YES1: variants seen among roughly 807,000 people sequenced by gnomAD.
YES1 encodes YES proto-oncogene 1, Src family tyrosine kinase, also known as tyrosine-protein kinase Yes.
Under a neutral mutation model 70.4 loss-of-function variants are expected in YES1, and 39 were observed. The ratio of observed to expected loss-of-function variants is 0.55; its 90% CI spans 0.43 to 0.72. The LOEUF (loss-of-function observed/expected upper bound fraction) is 0.72, where lower values mean the gene tolerates loss of function less well. Ranked by LOEUF, YES1 falls within the 30% of genes least tolerant of loss-of-function variation. The pLI is 0.00. For synonymous variants in YES1, 198 were observed against 218.6 expected, an observed-to-expected ratio of 0.91 and a Z score of 0.83; for missense variants, 495 against 644.8, an observed-to-expected ratio of 0.77 and a Z score of 2.52.
At chr18:728,651 A>C (rs1041360364) in intron 11 of YES1, among the ~76,000 whole-genome samples, 1 of 152,024 alleles carries the variant, frequency 6.6e-6, no homozygotes, top group Admixed American at 6.6e-5. Context: ...CTCAGCCTCC[A>C]AGTAGCTGGT....
chr18:750,618 A>G (rs975676582), intron 3 of YES1, among the ~76,000 whole-genome samples: 1 of 152,180 alleles, frequency 6.6e-6, no homozygotes, highest in East Asian at 1.9e-4. Flanking sequence ...GCAAGTGACA[A>G]ATTGTAATTC....
At chr18:787,436 G>A (rs770602683) in intron 1 of YES1, among the ~76,000 whole-genome samples, 25 of 151,890 alleles carry the variant, frequency 1.6e-4, no homozygotes, top group Admixed American at 5.9e-4. Context: ...TGGGCTGGGC[G>A]CGGTGGCTCA....
rs116576441 is a variant in YES1 at position 785,493 on chromosome 18, A to G, written c.-9+26621T>C. 4.2e-3 allele frequency among the ~76,000 whole-genome samples: 640 copies of G among 152,278 alleles called. 3 individuals are homozygous for G. Among genetic ancestry groups the G allele is most frequent in the African/African-American group, 0.015 (611 of 41,556 alleles). On this transcript the variant is annotated intron_variant, in intron 1 of 11. Transcript: ENST00000314574. ...TAAGTAGCTGGAAGGAGAGAGAAGC[A>G]CTATAAAAGGTCTGAATTCTGGTAG...
chr18:733,032 G>A, intron 10 of YES1, 67 bp from the exon 11 acceptor site: 2 of 1,512,762 alleles, frequency 1.3e-6, no homozygotes, highest in South Asian at 1.1e-5. Context: ...CATAGCATAT[G>A]CAGGGCTAAT....
intron 6 of YES1, 111 bp downstream of exon 6, chr18:745,597 G>T: frequency 9.8e-7 from 1 of 1,018,230 alleles, no homozygotes; most frequent in Non-Finnish European, 1.4e-6. Flanking sequence ...TATTGGGCAT[G>T]TATTATGTGT....
intron 1 of YES1, among the ~76,000 whole-genome samples, chr18:809,876 G>T (rs897793206): frequency 6.6e-6 from 1 of 152,140 alleles, no homozygotes; most frequent in East Asian, 1.9e-4. Context: ...CTCCTACCAG[G>T]TTAAAAGAAC....
intron 11 of YES1, among the ~76,000 whole-genome samples, chr18:725,421 A>G (rs1429977560): frequency 6.6e-6 from 1 of 152,198 alleles, no homozygotes; most frequent in Non-Finnish European, 1.5e-5. Flanking sequence ...AGAAAATGTA[A>G]TGGGGTTAAA....
chr18:788,613 T>C (rs2145811709), intron 1 of YES1, among the ~76,000 whole-genome samples: 2 of 152,328 alleles, frequency 1.3e-5, no homozygotes, highest in South Asian at 4.1e-4. Context: ...CTGATACTAC[T>C]TTGTGCTCTT....
intron 10 of YES1, among the ~76,000 whole-genome samples, chr18:735,161 C>CAAAAAAAAAA (rs71174281): frequency 1.1e-4 from 12 of 110,660 alleles, no homozygotes; most frequent in Non-Finnish European, 1.7e-4. Context: ...TGTCTCAAAG[C>CAAAAAAAAAA]AAAAAAAAAA....
intron 1 of YES1, among the ~76,000 whole-genome samples, chr18:792,554 T>TCCCC (rs71174291): frequency 3.2e-5 from 4 of 126,904 alleles, no homozygotes; most frequent in African/African-American, 1.1e-4. Context: ...TCTCTCTCTC[T>TCCCC]CCCTCTGTAT....
chr18:742,867 A>T lies in YES1; in HGVS notation c.1060+51T>A, dbSNP rs2080231311. On this transcript the variant is annotated intron_variant, in intron 8 of 11. Coordinates refer to ENST00000314574, the MANE Select transcript of YES1 (RefSeq NM_005433.4). ...TAAGTCTATATGCATACAAATCAAG[A>T]CTCTTAAAAACATTATCAACACAAA... The T allele has an allele frequency of 2.1e-6, 3 of 1,445,628 alleles. No homozygotes were observed. In the Middle Eastern group the frequency reaches 5.5e-4, roughly 264 times the overall value. The allele number at this position is 1,445,628 out of a possible 1,614,324, so 89.6% of individuals were successfully genotyped here.
At chr18:751,909 T>C (rs2080349198) in intron 2 of YES1, 105 bp from the exon 3 acceptor site, 8 of 733,978 alleles carry the variant, frequency 1.1e-5, no homozygotes, top group Admixed American at 2.4e-5. Flanking sequence ...GGATAGTTTT[T>C]TCTGTAGTCT....
At chr18:764,994 A>G (rs1447855556) in intron 1 of YES1, among the ~76,000 whole-genome samples, 1 of 151,822 alleles carries the variant, frequency 6.6e-6, no homozygotes, top group Non-Finnish European at 1.5e-5. Flanking sequence ...TTAGCCTCCC[A>G]AAGGGCTGAG....
At chr18:757,809 A>G (rs1442751983) in intron 1 of YES1, among the ~76,000 whole-genome samples, 2 of 151,892 alleles carry the variant, frequency 1.3e-5, no homozygotes, top group Non-Finnish European at 1.5e-5. Context: ...GTGACAGAGT[A>G]AGACTCTGTC....
At chr18:795,057 C>T (rs1906469636) in intron 1 of YES1, among the ~76,000 whole-genome samples, 1 of 152,170 alleles carries the variant, frequency 6.6e-6, no homozygotes, top group African/African-American at 2.4e-5. Flanking sequence ...TCGTGATCCG[C>T]CTGCCTTGGC....
chr18:730,283 G>C (rs371608400), intron 11 of YES1, among the ~76,000 whole-genome samples: 72 of 151,852 alleles, frequency 4.7e-4, no homozygotes, highest in African/African-American at 1.7e-3. Flanking sequence ...TTTTCTGTTA[G>C]GTCTCCCAGA....
intron 1 of YES1, among the ~76,000 whole-genome samples, chr18:759,204 C>G (rs1401191271): frequency 6.6e-6 from 1 of 152,212 alleles, no homozygotes; most frequent in Non-Finnish European, 1.5e-5. Flanking sequence ...CGGTGGCTCA[C>G]GCCTGTAATC....
At chr18:733,060 A>C in intron 10 of YES1, 95 bp from the exon 11 acceptor site, 6 of 1,231,610 alleles carry the variant, frequency 4.9e-6, no homozygotes, top group Non-Finnish European at 7.1e-6. Flanking sequence ...CAATATCTCT[A>C]CTGTAGTCAT....
At position 752,810 on chromosome 18, in the gene YES1, G is replaced by A. The variant is rs917690612; in HGVS notation, c.272-1006C>T. On this transcript the variant is annotated intron_variant, in intron 2 of 11. Coordinates refer to ENST00000314574, the MANE Select transcript of YES1 (RefSeq NM_005433.4). ...ATACAAAAATTAGCCAGGCATGGTG[G>A]CGCATGCCTGTAATCTCAGCTACTT... Among the ~76,000 whole-genome samples, 16 of 152,124 alleles carry A rather than the reference G, an allele frequency of 1.1e-4. 1 individual carries two copies. Among genetic ancestry groups the A allele is most frequent in the African/African-American group, 3.9e-4 (16 of 41,420 alleles).
Sources: allele counts gnomAD v4.1 joint callset (sites outside exome capture counted in the v4.1 genomes callset), GRCh38; gene constraint gnomAD v4.1.1; transcripts MANE v1.5; gene names NCBI Gene and HGNC (gene_info 2026-07-23, HGNC 2026-07-21).